Variants in SNX24 observed in about 807,000 individuals in gnomAD.
SNX24 encodes the protein sorting nexin-24.
Under a neutral mutation model 28.7 loss-of-function variants are expected in SNX24, and 22 were observed. That is an observed-to-expected ratio of 0.77 (90% CI 0.55 to 1.10). SNX24 has a LOEUF of 1.10. Among genes scored for constraint, SNX24 ranks in the 50% least tolerant of loss-of-function variants. The pLI is 0.00. For synonymous variants in SNX24, 69 were observed against 71.5 expected, an observed-to-expected ratio of 0.96 and a Z score of 0.18; for missense variants, 221 against 201.1, an observed-to-expected ratio of 1.10 and a Z score of -0.60.
intron 1 of SNX24, among the ~76,000 whole-genome samples, chr5:122,882,512 G>A (rs1166962226): frequency 6.6e-6 from 1 of 152,176 alleles, no homozygotes; most frequent in African/African-American, 2.4e-5. Context: ...TAGGCCTTCC[G>A]GCCTTGGCAC....
chr5:122,989,106 A>C (rs1761725686), intron 3 of SNX24, among the ~76,000 whole-genome samples: 1 of 152,098 alleles, frequency 6.6e-6, no homozygotes, highest in Admixed American at 6.6e-5. Flanking sequence ...TGGGCCAAAA[A>C]CAGGACTTTA....
At chr5:122,960,900 T>G (rs540725318) in intron 3 of SNX24, among the ~76,000 whole-genome samples, 58 of 152,372 alleles carry the variant, frequency 3.8e-4, no homozygotes, top group Non-Finnish European at 6.8e-4. Context: ...AGTATCTAAT[T>G]ACTATCTTAG....
chr5:122,851,625 A>G (rs984153999), intron 1 of SNX24, among the ~76,000 whole-genome samples: 3 of 152,220 alleles, frequency 2.0e-5, no homozygotes, highest in Admixed American at 6.5e-5. Context: ...TTAGAAATGT[A>G]GCATGCTCTT....
chr5:122,888,368 A>C (rs1393144713), intron 1 of SNX24, among the ~76,000 whole-genome samples: 1 of 152,148 alleles, frequency 6.6e-6, no homozygotes, highest in Non-Finnish European at 1.5e-5. Context: ...TGACAGCCTG[A>C]GTTCAAGTCT....
chr5:123,005,737 G>T (rs1762401379), intron 6 of SNX24, among the ~76,000 whole-genome samples: 1 of 152,106 alleles, frequency 6.6e-6, no homozygotes, highest in South Asian at 2.1e-4. Context: ...TATGGCAATT[G>T]ATTTTAATAT....
At chr5:122,907,474 T>G (rs1344627573) in intron 1 of SNX24, among the ~76,000 whole-genome samples, 1 of 152,076 alleles carries the variant, frequency 6.6e-6, no homozygotes, top group Non-Finnish European at 1.5e-5. Flanking sequence ...CACCTAGGAG[T>G]CACGGGGCTG....
chr5:122,930,497 C>T (rs1230474659), intron 1 of SNX24, among the ~76,000 whole-genome samples: 1 of 152,078 alleles, frequency 6.6e-6, no homozygotes, highest in African/African-American at 2.4e-5. Flanking sequence ...CTTTTTGCTT[C>T]TGTATATTAG....
chr5:123,001,514 G>A, intron 5 of SNX24, 77 bp downstream of exon 5: 1 of 1,062,980 alleles, frequency 9.4e-7, no homozygotes, highest in Non-Finnish European at 1.4e-6. Context: ...TGTGTTTCAA[G>A]TTATGTTTTT....
intron 1 of SNX24, among the ~76,000 whole-genome samples, chr5:122,927,113 G>A (rs757141800): frequency 3.3e-5 from 5 of 152,130 alleles, no homozygotes; most frequent in African/African-American, 7.2e-5. Flanking sequence ...GGATAATTAC[G>A]TTTAATCCTT....
chr5:122,907,946 T>C (rs1246222251), intron 1 of SNX24, among the ~76,000 whole-genome samples: 1 of 152,088 alleles, frequency 6.6e-6, no homozygotes, highest in Non-Finnish European at 1.5e-5. Context: ...TTTGGTAAGA[T>C]TGAGACTTCA....
At chr5:122,921,114 A>G (rs1016959684) in intron 1 of SNX24, among the ~76,000 whole-genome samples, 1 of 151,758 alleles carries the variant, frequency 6.6e-6, no homozygotes, top group Non-Finnish European at 1.5e-5. Flanking sequence ...ATGCACATGT[A>G]TTTACTAAAT....
intron 1 of SNX24, among the ~76,000 whole-genome samples, chr5:122,851,309 C>T (rs1012239820): frequency 2.0e-5 from 3 of 151,990 alleles, no homozygotes; most frequent in Admixed American, 6.6e-5. Flanking sequence ...GGCCTATAGG[C>T]ACGAGCCACC....
chr5:122,958,830 G>C (rs1416143402), intron 3 of SNX24, among the ~76,000 whole-genome samples: 2 of 152,046 alleles, frequency 1.3e-5, no homozygotes, highest in Non-Finnish European at 2.9e-5. Flanking sequence ...AAAGTGCTGG[G>C]ATTATAGGCA....
At chr5:123,007,288 G>A (rs896527537) in intron 6 of SNX24, among the ~76,000 whole-genome samples, 2 of 152,246 alleles carry the variant, frequency 1.3e-5, no homozygotes, top group Non-Finnish European at 2.9e-5. Flanking sequence ...AAAAACTGCA[G>A]TGAGGTATTC....
chr5:122,933,280 G>T (rs1262432346), intron 1 of SNX24, among the ~76,000 whole-genome samples: 4 of 152,158 alleles, frequency 2.6e-5, no homozygotes, highest in Non-Finnish European at 5.9e-5. Context: ...AGGCACCATT[G>T]CCAGTTGCAT....
chr5:123,022,210 A>G (rs1026804335), intron 5 of SNX24: 2 of 152,308 alleles, frequency 1.3e-5, no homozygotes, highest in South Asian at 2.1e-4. Flanking sequence ...TATTTGTTGG[A>G]AAAAAATTAA....
chr5:122,860,401 C>A (rs1755403876), intron 1 of SNX24, among the ~76,000 whole-genome samples: 1 of 152,084 alleles, frequency 6.6e-6, no homozygotes, highest in East Asian at 1.9e-4. Flanking sequence ...TGTGTAAGTT[C>A]CCCAAAGTTC....
At chr5:122,978,343 A>G (rs1344845072) in intron 3 of SNX24, among the ~76,000 whole-genome samples, 5 of 152,252 alleles carry the variant, frequency 3.3e-5, no homozygotes, top group African/African-American at 7.2e-5. Context: ...ACTTTATAGC[A>G]TACAGAAAAT....
At chr5:122,896,950 GA>G (rs1757229546) in intron 1 of SNX24, among the ~76,000 whole-genome samples, 1 of 152,222 alleles carries the variant, frequency 6.6e-6, no homozygotes, top group Non-Finnish European at 1.5e-5. Context: ...ACTGAACGCT[GA>G]AGTCAAGCCT....
Sources: allele counts gnomAD v4.1 joint callset (sites outside exome capture counted in the v4.1 genomes callset), GRCh38; gene constraint gnomAD v4.1.1; transcripts MANE v1.5; gene names NCBI Gene and HGNC (gene_info 2026-07-23, HGNC 2026-07-21).